RPL27A: variants seen among roughly 807,000 people sequenced by gnomAD.
RPL27A encodes the protein large ribosomal subunit protein uL15.
For synonymous variants in RPL27A, 69 were observed against 68.3 expected (o/e 1.01, Z -0.05); for missense variants, 118 against 189.4 (o/e 0.62, Z 2.21).
chr11:8,685,993 C>G lies in RPL27A; in HGVS notation c.*187C>G. 1 of 579,974 alleles carries G rather than the reference C, an allele frequency of 1.7e-6. No homozygotes were observed. Among genetic ancestry groups the G allele is most frequent in the African/African-American group, 1.9e-5 (1 of 53,664 alleles). 35.9% of individuals were successfully genotyped at this position (579,974 alleles called of 1,614,324 possible). A position where few individuals can be genotyped will look rare whatever the true frequency, so the allele number is the denominator to read the frequency against. On this transcript the variant is annotated 3_prime_UTR_variant, in exon 5 of 5. Transcript: ENST00000314138. Reference sequence around the variant, plus strand: ...ATGGTAAACGTAAGACCAACACAGACGTTGGCCAGTTAAACATTTCTGTTT... The same window carrying G: ...ATGGTAAACGTAAGACCAACACAGAGGTTGGCCAGTTAAACATTTCTGTTT...
rs375338199 is a variant in RPL27A, at chr11:8,685,728, C to T, written c.369C>T (p.Ile123=). 1.3e-5 allele frequency: 21 copies of T among 1,614,084 alleles called. No individual in the cohort carries two copies. Among genetic ancestry groups the T allele is most frequent in the African/African-American group, 2.7e-5 (2 of 75,042 alleles). The change falls in exon 5 of 5, where the codon ATC becomes ATT. Residue 123 remains isoleucine, a synonymous_variant. Coordinates refer to ENST00000314138, the MANE Select transcript of RPL27A (RefSeq NM_000990.5). ...GAAAGCTCCCAAAGCAGCCTGTCAT[C>T]GTGAAGGCCAAATTCTTCAGCAGAA... is the stretch of plus-strand genomic sequence containing the variant. ...GKGKLPKQPV[I]VKAKFFSRRA...
At chr11:8,683,339 CTATAAGTGGG>C in intron 2 of RPL27A, 74 bp downstream of exon 2, 1 of 1,325,234 alleles carries the variant, frequency 7.5e-7, no homozygotes, top group South Asian at 1.2e-5. Context: ...GATCGGTAGC[CTATAAGTGGG>C]TTAGAATAAG....
intron 2 of RPL27A, chr11:8,683,616 C>A (rs757801061): frequency 3.1e-5 from 15 of 488,890 alleles, no homozygotes; most frequent in Non-Finnish European, 5.2e-5. Flanking sequence ...ACACAGAAGT[C>A]TGGGAAACAC....
Position 8,689,073 on chromosome 11 carries a change from C to T in RPL27A, c.*3267C>T, listed in dbSNP as rs1157631892. On this transcript the variant is annotated 3_prime_UTR_variant, in exon 5 of 5. Coordinates refer to ENST00000314138, the MANE Select transcript of RPL27A (RefSeq NM_000990.5). ...ACCGGCCTCGCTCGGCCACTTCCGG[C>T]AAGGGCGGAGCCGGCCAGTGGTGCG... 2.6e-5 allele frequency: 4 copies of T among 152,408 alleles called. No individual in the cohort carries two copies. The highest frequency in any genetic ancestry group is 2.0e-4 in the Admixed American group (3 of 15,308). 9.4% of individuals were successfully genotyped at this position (152,408 alleles called of 1,614,324 possible). A position where few individuals can be genotyped will look rare whatever the true frequency, so the allele number is the denominator to read the frequency against.
chr11:8,683,930 C>G (rs557058667), intron 2 of RPL27A, 76 bp from the exon 3 acceptor site: 17 of 1,168,898 alleles, frequency 1.5e-5, no homozygotes, highest in African/African-American at 7.5e-5. Flanking sequence ...GATCTACCCC[C>G]CCTCGTCCTC....
At chr11:8,684,409 A>C in intron 3 of RPL27A, 1 of 717,408 alleles carries the variant, frequency 1.4e-6, no homozygotes, top group Non-Finnish European at 2.6e-6. Context: ...GCTATTCAGA[A>C]GACGTTTATT....
rs539201180 is a variant in RPL27A at position 8,683,332 on chromosome 11, C to A, written c.67+67C>A. 3.4e-5 allele frequency: 47 copies of A among 1,396,260 alleles called. No individual in the cohort carries two copies. The East Asian group carries it at 9.1e-4, about 27-fold the overall frequency. The allele number at this position is 1,396,260 out of a possible 1,614,324, so 86.5% of individuals were successfully genotyped here. ...TCGGGTGCTTAGCTAGTCTGGAGATCGGTAGCCTATAAGTGGGTTAGAATA... is the reference window on the plus strand; with the variant it reads ...TCGGGTGCTTAGCTAGTCTGGAGATAGGTAGCCTATAAGTGGGTTAGAATA... On this transcript the variant is annotated intron_variant, in intron 2 of 4. Coordinates refer to ENST00000314138, the MANE Select transcript of RPL27A (RefSeq NM_000990.5).
rs2039621492 is a variant in RPL27A, at chr11:8,689,733, A to G, written c.*3927A>G. The G allele has an allele frequency of 6.6e-6, 1 of 152,222 alleles. No homozygotes were observed. Among genetic ancestry groups the G allele is most frequent in the Non-Finnish European group, 1.5e-5 (1 of 68,042 alleles). 9.4% of individuals were successfully genotyped at this position (152,222 alleles called of 1,614,324 possible). Reference sequence around the variant, plus strand: ...AATTTAATTCCTGGCTCTATTTTACATCCCAATTTTTATTTTCCTCTCATT... The same window carrying G: ...AATTTAATTCCTGGCTCTATTTTACGTCCCAATTTTTATTTTCCTCTCATT... On this transcript the variant is annotated 3_prime_UTR_variant, in exon 5 of 5. Coordinates refer to ENST00000314138, the MANE Select transcript of RPL27A (RefSeq NM_000990.5).
At chr11:8,683,346 T>C in intron 2 of RPL27A, 81 bp downstream of exon 2, 1 of 1,243,242 alleles carries the variant, frequency 8.0e-7, no homozygotes, top group Non-Finnish European at 1.2e-6. Flanking sequence ...AGCCTATAAG[T>C]GGGTTAGAAT....
Position 8,685,277 on chromosome 11 carries a change from C to CT in RPL27A, c.318+386dup, listed in dbSNP as rs1272506264. On this transcript the variant is annotated intron_variant, in intron 4 of 4. Transcript: ENST00000314138. The stretch of plus-strand genomic sequence containing the variant: ...TCTGGTCCCTGTGTCAGTCTTAACT[C>CT]TCATGAATATAGAGGTAGTGTTAAG... 2.2e-5 allele frequency: 10 copies of CT among 454,690 alleles called. No individual in the cohort carries two copies. The East Asian group carries it at 5.0e-4, about 23-fold the overall frequency. 28.2% of individuals were successfully genotyped at this position (454,690 alleles called of 1,614,324 possible).
chr11:8,688,764 A>T lies in RPL27A; in HGVS notation c.*2958A>T, dbSNP rs1025614033. The T allele has an allele frequency of 6.6e-6, 1 of 152,272 alleles. No homozygotes were observed. The highest frequency in any genetic ancestry group is 2.4e-5 in the African/African-American group (1 of 41,476). The allele number at this position is 152,272 out of a possible 1,614,324, so 9.4% of individuals were successfully genotyped here. On this transcript the variant is annotated 3_prime_UTR_variant, in exon 5 of 5. Transcript: ENST00000314138. Reference sequence around the variant, plus strand: ...TAAATCAGGCGAGCTTTCAATCAAAATAAATGTACTACTAAACCCTACTTA... The same window carrying T: ...TAAATCAGGCGAGCTTTCAATCAAATTAAATGTACTACTAAACCCTACTTA...
chr11:8,684,129 G>A, intron 3 of RPL27A, 48 bp downstream of exon 3: 2 of 1,484,520 alleles, frequency 1.3e-6, no homozygotes, highest in Non-Finnish European at 1.9e-6. Context: ...GGAGGTAGGG[G>A]CAGAGAGAGG....
At chr11:8,682,970 CG>C in intron 1 of RPL27A, 154 bp downstream of exon 1, 1 of 1,058,406 alleles carries the variant, frequency 9.4e-7, no homozygotes. Flanking sequence ...GGGCCCGGGG[CG>C]GGGCTCCCGG....
At chr11:8,684,649 A>T in intron 3 of RPL27A, 69 bp from the exon 4 acceptor site, 1 of 1,333,532 alleles carries the variant, frequency 7.5e-7, no homozygotes, top group South Asian at 1.2e-5. Flanking sequence ...AGGGGGTGGT[A>T]ACTATAAAGA....
In RPL27A at chr11:8,686,141, T is replaced by C. The variant is rs1432679165; in HGVS notation, c.*335T>C. On this transcript the variant is annotated 3_prime_UTR_variant, in exon 5 of 5. Coordinates refer to ENST00000314138, the MANE Select transcript of RPL27A (RefSeq NM_000990.5). ...AGGGCTCAAAAGGAAAGATTCCATT[T>C]TGATGGGTCACATTCTAAAGAGGGG... 4.5e-6 allele frequency: 1 copy of C among 224,292 alleles called. No homozygotes were observed. Among genetic ancestry groups the C allele is most frequent in the African/African-American group, 2.2e-5 (1 of 44,460 alleles). 13.9% of individuals were successfully genotyped at this position (224,292 alleles called of 1,614,324 possible). A position where few individuals can be genotyped will look rare whatever the true frequency, so the allele number is the denominator to read the frequency against.
Position 8,689,736 on chromosome 11 carries a change from C to G in RPL27A, c.*3930C>G, listed in dbSNP as rs1387292490. The G allele has an allele frequency of 2.0e-5, 3 of 152,158 alleles. No individual in the cohort carries two copies. The highest frequency in any genetic ancestry group is 2.9e-5 in the Non-Finnish European group (2 of 68,046). The allele number at this position is 152,158 out of a possible 1,614,324, so 9.4% of individuals were successfully genotyped here. On this transcript the variant is annotated 3_prime_UTR_variant, in exon 5 of 5. Coordinates refer to ENST00000314138, the MANE Select transcript of RPL27A (RefSeq NM_000990.5). ...TTAATTCCTGGCTCTATTTTACATC[C>G]CAATTTTTATTTTCCTCTCATTCCC...
At position 8,685,778 on chromosome 11, in the gene RPL27A, T is replaced by C. The variant is rs577908359; in HGVS notation, c.419T>C (p.Val140Ala). The C allele has an allele frequency of 3.7e-6, 6 of 1,613,944 alleles. No homozygotes were observed. Among genetic ancestry groups the C allele is most frequent in the East Asian group, 2.2e-5 (1 of 44,882 alleles). Residue 140 changes from valine to alanine, a missense_variant, in exon 5 of 5, where the codon GTT (valine) becomes GCT (alanine). Coordinates refer to ENST00000314138, the MANE Select transcript of RPL27A (RefSeq NM_000990.5). The part of the protein sequence containing the change: ...SRRAEEKIKS[V>A]GGACVLVA Reference sequence around the variant, plus strand: ...AGAGCTGAGGAGAAGATTAAGAGTGTTGGGGGGGCCTGTGTCCTGGTGGCT... The same window carrying C: ...AGAGCTGAGGAGAAGATTAAGAGTGCTGGGGGGGCCTGTGTCCTGGTGGCT...
rs2039621227 is a variant in RPL27A at position 8,689,704 on chromosome 11, C to T, written c.*3898C>T. 1 of 152,152 alleles carries T rather than the reference C, an allele frequency of 6.6e-6. No homozygotes were observed. Among genetic ancestry groups the T allele is most frequent in the Non-Finnish European group, 1.5e-5 (1 of 68,030 alleles). The allele number at this position is 152,152 out of a possible 1,614,324, so 9.4% of individuals were successfully genotyped here. A position where few individuals can be genotyped will look rare whatever the true frequency, so the allele number is the denominator to read the frequency against. On this transcript the variant is annotated 3_prime_UTR_variant, in exon 5 of 5. Coordinates refer to ENST00000314138, the MANE Select transcript of RPL27A (RefSeq NM_000990.5). ...CCCCTAGCAAGAATATAGGTTAAAG[C>T]GTAAATTTAATTCCTGGCTCTATTT...
chr11:8,685,900 T>C lies in RPL27A; in HGVS notation c.*94T>C, dbSNP rs2039583051. ...GTGGCACCTCTACATCCTGTGTGCATTGGGAGCCCAGGTTCTAGTACTTAG... is the reference window on the plus strand; with the variant it reads ...GTGGCACCTCTACATCCTGTGTGCACTGGGAGCCCAGGTTCTAGTACTTAG... On this transcript the variant is annotated 3_prime_UTR_variant, in exon 5 of 5. Transcript: ENST00000314138. 7.9e-6 allele frequency: 10 copies of C among 1,268,676 alleles called. No homozygotes were observed. Among genetic ancestry groups the C allele is most frequent in the Non-Finnish European group, 1.1e-5 (10 of 899,956 alleles). 78.6% of individuals were successfully genotyped at this position (1,268,676 alleles called of 1,614,324 possible).
Sources: allele counts gnomAD v4.1 joint callset, GRCh38; gene constraint gnomAD v4.1.1; transcripts MANE v1.5; gene names NCBI Gene and HGNC (gene_info 2026-07-23, HGNC 2026-07-21).